PRKCQ: variants seen among roughly 807,000 people sequenced by gnomAD.
The protein encoded by PRKCQ is protein kinase C theta.
PRKCQ carries 41 observed loss-of-function variants against 91.2 expected under a neutral mutation model. The observed-to-expected ratio is 0.45, with a 90% CI of 0.35 to 0.58. The LOEUF (loss-of-function observed/expected upper bound fraction) is 0.58. Ranked by LOEUF, PRKCQ falls within the 20% of genes least tolerant of loss-of-function variation. The pLI is 0.00. For missense variants in PRKCQ, 673 were observed against 896.5 expected (o/e 0.75, Z 3.18); for synonymous variants, 307 against 316.9 (o/e 0.97, Z 0.33).
chr10:6,502,256 A>G (rs888917909), intron 4 of PRKCQ, among the ~76,000 whole-genome samples: 1 of 152,224 alleles, frequency 6.6e-6, no homozygotes, highest in Non-Finnish European at 1.5e-5. Flanking sequence ...AGGTAGGTGA[A>G]GGAGAGAAAG....
At chr10:6,417,462 C>A in the PRKCQ span, among the ~76,000 whole-genome samples, 2 of 148,516 alleles carry the variant, frequency 1.3e-5, no homozygotes, top group Non-Finnish European at 3.0e-5. Flanking sequence ...CTAGATTTTA[C>A]TTAGATAATC....
intron 17 of PRKCQ, among the ~76,000 whole-genome samples, chr10:6,428,717 CA>C (rs1405842363): frequency 6.6e-6 from 1 of 151,770 alleles, no homozygotes; most frequent in Non-Finnish European, 1.5e-5. Context: ...TCATGGAACA[CA>C]AGGTGGGGAT....
rs1310048151 is a variant in PRKCQ, at chr10:6,491,702, C to A, written c.771G>T (p.Arg257=). 6.2e-7 allele frequency: 1 copy of A among 1,614,168 alleles called. No homozygotes were observed. Among genetic ancestry groups the A allele is most frequent in the South Asian group, 1.1e-5 (1 of 91,086 alleles). Residue 257 remains arginine, a synonymous_variant, in exon 8 of 18, where the codon CGG becomes CGT. Coordinates refer to ENST00000263125, the MANE Select transcript of PRKCQ (RefSeq NM_006257.5). ...HCGTLLWGLA[R]QGLKCDACGM... ...ACTCACCATCACACTTGAGTCCTTGCCGTGCCAGTCCCCACAGCAGGGTCC... is the reference window on the plus strand; with the variant it reads ...ACTCACCATCACACTTGAGTCCTTGACGTGCCAGTCCCCACAGCAGGGTCC...
At chr10:6,405,752 A>T in the PRKCQ span, among the ~76,000 whole-genome samples, 7 of 152,154 alleles carry the variant, frequency 4.6e-5, no homozygotes, top group Non-Finnish European at 1.0e-4. Flanking sequence ...GAGGAAGCTG[A>T]TTGCTGCTAC....
chr10:6,420,277 T>C, the PRKCQ span, among the ~76,000 whole-genome samples: 1 of 152,188 alleles, frequency 6.6e-6, no homozygotes, highest in African/African-American at 2.4e-5. Flanking sequence ...AAACACACCA[T>C]GCCTTCGAAT....
intron 1 of PRKCQ, among the ~76,000 whole-genome samples, chr10:6,554,316 A>C (rs1276692351): frequency 6.6e-6 from 1 of 152,250 alleles, no homozygotes; most frequent in East Asian, 1.9e-4. Flanking sequence ...TTTCAGGAGA[A>C]AAATGGGGGT....
chr10:6,534,494 T>A (rs2130905387), intron 1 of PRKCQ, among the ~76,000 whole-genome samples: 1 of 152,194 alleles, frequency 6.6e-6, no homozygotes, highest in African/African-American at 2.4e-5. Context: ...GCCATAGCAA[T>A]TTGGATAAGA....
chr10:6,422,985 T>A (rs575183832), downstream of PRKCQ, among the ~76,000 whole-genome samples: 6 of 152,270 alleles, frequency 3.9e-5, no homozygotes, highest in African/African-American at 1.4e-4. Flanking sequence ...TGGCGCCTAC[T>A]CCATTTCCAA....
intron 16 of PRKCQ, among the ~76,000 whole-genome samples, chr10:6,439,573 C>A (rs1833866697): frequency 1.3e-5 from 2 of 152,162 alleles, no homozygotes; most frequent in Non-Finnish European, 2.9e-5. Flanking sequence ...GACAGCAAGA[C>A]CAACTCCCCC....
intron 1 of PRKCQ, among the ~76,000 whole-genome samples, chr10:6,552,481 T>C (rs1840226053): frequency 6.6e-6 from 1 of 151,618 alleles, no homozygotes; most frequent in Non-Finnish European, 1.5e-5. Flanking sequence ...TTTTTTGTCT[T>C]TCTAGACAGA....
At chr10:6,440,139 A>T (rs1833896885) in intron 16 of PRKCQ, among the ~76,000 whole-genome samples, 1 of 152,110 alleles carries the variant, frequency 6.6e-6, no homozygotes, top group African/African-American at 2.4e-5. Flanking sequence ...TTCTGCCATG[A>T]TTGCAAGTTT....
intron 1 of PRKCQ, among the ~76,000 whole-genome samples, chr10:6,521,384 C>A (rs1447969062): frequency 1.3e-5 from 2 of 152,190 alleles, no homozygotes; most frequent in African/African-American, 4.8e-5. Context: ...TTCAGCCCAG[C>A]ACTTGTTGTA....
chr10:6,467,335 C>CAGAGAGAG (rs1173010895), intron 12 of PRKCQ, among the ~76,000 whole-genome samples: 6 of 103,304 alleles, frequency 5.8e-5, no homozygotes, highest in Admixed American at 1.1e-4. Context: ...GAGAGACAGA[C>CAGAGAGAG]AGAGAGAGAG....
intron 1 of PRKCQ, among the ~76,000 whole-genome samples, chr10:6,575,014 G>C (rs1841177588): frequency 6.6e-6 from 1 of 152,118 alleles, no homozygotes; most frequent in South Asian, 2.1e-4. Flanking sequence ...TATGTGTCAG[G>C]CCCTGTTAGA....
chr10:6,467,379 GAGAGAC>G (rs1835730362), intron 12 of PRKCQ, among the ~76,000 whole-genome samples: 1 of 96,816 alleles, frequency 1.0e-5, no homozygotes. Context: ...GAGAGACAGA[GAGAGAC>G]AGACAGAGAG....
intron 11 of PRKCQ, among the ~76,000 whole-genome samples, chr10:6,481,138 AAGT>A (rs1836576189): frequency 6.6e-6 from 1 of 152,140 alleles, no homozygotes; most frequent in Non-Finnish European, 1.5e-5. Flanking sequence ...TGATGAAAAG[AAGT>A]AGACAGCTTT....
intron 2 of PRKCQ, chr10:6,512,266 A>G (rs1838515471): frequency 3.3e-5 from 5 of 152,200 alleles, no homozygotes; most frequent in Non-Finnish European, 7.3e-5. Flanking sequence ...TGTACCATGC[A>G]CCCTCAGCAA....
At chr10:6,554,302 G>A (rs1344088863) in intron 1 of PRKCQ, among the ~76,000 whole-genome samples, 1 of 152,232 alleles carries the variant, frequency 6.6e-6, no homozygotes, top group Non-Finnish European at 1.5e-5. Flanking sequence ...CTCTCCAGCA[G>A]TAGTTTCAGG....
At chr10:6,512,887 TTGGAC>T (rs1336079879) in intron 2 of PRKCQ, among the ~76,000 whole-genome samples, 1 of 151,674 alleles carries the variant, frequency 6.6e-6, no homozygotes, top group African/African-American at 2.4e-5. Context: ...AAAAAAAAAA[TTGGAC>T]TGGAGATTGG....
Sources: allele counts gnomAD v4.1 joint callset (sites outside exome capture counted in the v4.1 genomes callset), GRCh38; gene constraint gnomAD v4.1.1; transcripts MANE v1.5; gene names NCBI Gene and HGNC (gene_info 2026-07-23, HGNC 2026-07-21).